The following LAMB1 variants were observed in gnomAD, a reference collection of about 807,000 sequenced individuals.
The protein encoded by LAMB1 is laminin subunit beta-1.
Under a neutral mutation model 222.3 loss-of-function variants are expected in LAMB1, and 121 were observed. The observed-to-expected ratio is 0.54, with a 90% CI of 0.47 to 0.63. The LOEUF is 0.63. Ranked by LOEUF, LAMB1 falls within the 30% of genes least tolerant of loss-of-function variation. The pLI is 0.00. For missense variants in LAMB1, 2,172 were observed against 2,240.8 expected (o/e 0.97, Z 0.62); for synonymous variants, 794 against 807.2 (o/e 0.98, Z 0.28).
At position 107,960,262 on chromosome 7, in the gene LAMB1, T is replaced by A. The variant is rs1260752386; in HGVS notation, c.2314+183A>T. On this transcript the variant is annotated intron_variant, in intron 18 of 33. Transcript: ENST00000222399. ...GCATATTTCTTGAATATCAATTCCATCTTCAGTGGTGCTCTTTCACTGAAA... is the reference window on the plus strand; with the variant it reads ...GCATATTTCTTGAATATCAATTCCAACTTCAGTGGTGCTCTTTCACTGAAA... Among the ~76,000 whole-genome samples, 3 of 152,234 alleles carry A rather than the reference T, an allele frequency of 2.0e-5. No individual in the cohort carries two copies. In the South Asian group the frequency reaches 6.2e-4, roughly 31 times the overall value.
intron 23 of LAMB1, among the ~76,000 whole-genome samples, chr7:107,951,629 A>G (rs1431677155): frequency 1.3e-5 from 2 of 151,866 alleles, no homozygotes; most frequent in East Asian, 3.9e-4. Context: ...TGACTTAGGG[A>G]GTATGCCCTC....
chr7:107,929,031 G>A, intron 31 of LAMB1, 33 bp downstream of exon 31: 2 of 1,601,898 alleles, frequency 1.2e-6, no homozygotes, highest in East Asian at 2.2e-5. Flanking sequence ...ATGTAGGTGT[G>A]TTCCCATTCA....
Position 108,001,701 on chromosome 7 carries a change from G to T in LAMB1, c.70C>A (p.Pro24Thr), listed in dbSNP as rs932148278. The change falls in exon 3 of 34, where the codon CCC (proline) becomes ACC (threonine). Residue 24 changes from proline to threonine, a missense_variant. Transcript: ENST00000222399. ...TCTGCGCAGCCGTAGCTGAACTCGG[G>T]TTCCTGAGCGCGCACTCGGGCTCTG... The part of the protein sequence containing the change: ...LCRARVRAQE[P>T]EFSYGCAEGS... 8 of 1,612,806 alleles carry T rather than the reference G, an allele frequency of 5.0e-6. No homozygotes were observed. In the African/African-American group the frequency reaches 9.3e-5, roughly 19 times the overall value.
chr7:107,998,254 G>A (rs1425152606), intron 4 of LAMB1, 103 bp downstream of exon 4: 5 of 1,167,770 alleles, frequency 4.3e-6, no homozygotes. Context: ...CATAATTACA[G>A]GACAGAGAAG....
intron 7 of LAMB1, among the ~76,000 whole-genome samples, chr7:107,981,123 C>T (rs1005571815): frequency 1.7e-4 from 26 of 151,912 alleles, no homozygotes; most frequent in Non-Finnish European, 3.1e-4. Context: ...ACCTGCCTGG[C>T]CAACATGGCA....
chr7:107,992,043 C>T (rs1418906794), intron 5 of LAMB1, among the ~76,000 whole-genome samples: 3 of 151,976 alleles, frequency 2.0e-5, no homozygotes, highest in Admixed American at 2.0e-4. Flanking sequence ...CTTTCCTTTC[C>T]TTCTCTCACT....
Position 107,975,862 on chromosome 7 carries a change from T to A in LAMB1, c.1016A>T (p.Glu339Val), listed in dbSNP as rs772382691. The A allele has an allele frequency of 3.7e-6, 6 of 1,613,932 alleles. No homozygotes were observed. The highest frequency in any genetic ancestry group is 5.1e-6 in the Non-Finnish European group (6 of 1,179,964). ...GTCAAAGTGACAAGAGATGGAATGTTCATTGCAGTTACATTCTGCGTGACA... is the reference window on the plus strand; with the variant it reads ...GTCAAAGTGACAAGAGATGGAATGTACATTGCAGTTACATTCTGCGTGACA... ...SNACKKCNCNEHSISCHFDMA... is the reference protein window; with the variant it reads ...SNACKKCNCNVHSISCHFDMA... Residue 339 changes from glutamate (E) to valine (V), a missense_variant, in exon 10 of 34, where the codon GAA becomes GTA. Physicochemically the swap from Glu to Val is moderately radical, Grantham distance 121. Coordinates refer to ENST00000222399, the MANE Select transcript of LAMB1 (RefSeq NM_002291.3).
In LAMB1 at chr7:108,003,153, C is replaced by T. The variant is rs896658665; in HGVS notation, c.-129G>A. The T allele has an allele frequency of 1.0e-5, 6 of 586,974 alleles. No homozygotes were observed. The East Asian group carries it at 2.0e-4, about 19-fold the overall frequency. The allele number at this position is 586,974 out of a possible 1,614,324, so 36.4% of individuals were successfully genotyped here. ...CGCCCTGCTCCGGGAGCCCCCGAGC[C>T]CAAAGAAGGGAATTAGAAAGTTTAG... On this transcript the variant is annotated 5_prime_UTR_variant, in exon 1 of 34. Transcript: ENST00000222399.
chr7:107,941,615 G>A (rs1169810847), intron 24 of LAMB1, among the ~76,000 whole-genome samples: 1 of 150,674 alleles, frequency 6.6e-6, no homozygotes, highest in Non-Finnish European at 1.5e-5. Context: ...GAAGTGCAAT[G>A]TCAACTGTGG....
chr7:107,964,711 C>G (rs897835369), intron 13 of LAMB1, 24 bp from the exon 14 acceptor site: 1 of 1,613,484 alleles, frequency 6.2e-7, no homozygotes. Flanking sequence ...GGAGCCACAT[C>G]AGCTGAGTTC....
Position 107,955,634 on chromosome 7 carries a change from C to T in LAMB1, c.2691-4G>A. The T allele has an allele frequency of 6.2e-7, 1 of 1,610,544 alleles. No individual in the cohort carries two copies. Among genetic ancestry groups the T allele is most frequent in the Non-Finnish European group, 8.5e-7 (1 of 1,178,348 alleles). On this transcript the variant is annotated splice_region_variant and splice_polypyrimidine_tract_variant and intron_variant, in intron 20 of 33. Transcript: ENST00000222399. Reference sequence around the variant, plus strand: ...GCCATAGTAACCAGCCAAGCACCTGCATCAGTCACAGAAGAGAACAGGCCA... The same window carrying T: ...GCCATAGTAACCAGCCAAGCACCTGTATCAGTCACAGAAGAGAACAGGCCA...
At position 107,994,162 on chromosome 7, in the gene LAMB1, A is replaced by G. The variant is rs189618137; in HGVS notation, c.423+725T>C. 2.6e-5 allele frequency among the ~76,000 whole-genome samples: 4 copies of G among 152,330 alleles called. No homozygotes were observed. The East Asian group carries it at 7.7e-4, about 29-fold the overall frequency. On this transcript the variant is annotated intron_variant, in intron 5 of 33. Coordinates refer to ENST00000222399, the MANE Select transcript of LAMB1 (RefSeq NM_002291.3). ...TAAATTATGGGTTTTCTGTGAGCCA[A>G]TGTGTACTTTAAGCCATGTGAAGCC... is the stretch of plus-strand genomic sequence containing the variant.
In LAMB1 at chr7:107,929,185, T is replaced by G. The variant is rs1223550449; in HGVS notation, c.4766A>C (p.Lys1589Thr). 4 of 1,614,054 alleles carry G rather than the reference T, an allele frequency of 2.5e-6. No individual in the cohort carries two copies. Among genetic ancestry groups the G allele is most frequent in the Admixed American group, 1.7e-5 (1 of 60,002 alleles). Reference protein sequence around the residue: ...KRASKSATDVKVTADMVKEAL... With the variant: ...KRASKSATDVTVTADMVKEAL... ...TTCCTTTACCATATCTGCAGTGACTTTAACATCTGTTGCACTTTTGCTGAG... is the reference window on the plus strand; with the variant it reads ...TTCCTTTACCATATCTGCAGTGACTGTAACATCTGTTGCACTTTTGCTGAG... The change falls in exon 31 of 34, where the codon AAA becomes ACA. Residue 1589 changes from lysine to threonine, a missense_variant. Physicochemically the swap from Lys to Thr is moderately conservative, Grantham distance 78 (BLOSUM62 -1). Coordinates refer to ENST00000222399, the MANE Select transcript of LAMB1 (RefSeq NM_002291.3).
intron 4 of LAMB1, among the ~76,000 whole-genome samples, chr7:107,995,652 G>A (rs2034268125): frequency 6.6e-6 from 1 of 152,142 alleles, no homozygotes; most frequent in Admixed American, 6.5e-5. Context: ...CTTGCCCTGA[G>A]GGTCAGTCAG....
At chr7:107,933,913 G>A (rs527621118) in intron 27 of LAMB1, among the ~76,000 whole-genome samples, 65 of 152,080 alleles carry the variant, frequency 4.3e-4, no homozygotes, top group African/African-American at 1.4e-3. Context: ...AGATGCCTCC[G>A]GTTCAAGACA....
intron 24 of LAMB1, 108 bp from the exon 25 acceptor site, chr7:107,940,466 C>T (rs1022730004): frequency 2.2e-5 from 26 of 1,199,640 alleles, no homozygotes; most frequent in Admixed American, 2.1e-4. Context: ...AGGTGTCAAC[C>T]ATCGACAACA....
At chr7:107,935,347 GTTTTTTTTT>G (rs200599445) in intron 27 of LAMB1, 59 bp downstream of exon 27, 68 of 1,173,196 alleles carry the variant, frequency 5.8e-5, no homozygotes, top group Middle Eastern at 3.0e-4. Context: ...GTTTTTCTTT[GTTTTTTTTT>G]TTTTTTTTTT....
intron 9 of LAMB1, among the ~76,000 whole-genome samples, chr7:107,977,505 C>T (rs2033890949): frequency 6.6e-6 from 1 of 152,116 alleles, no homozygotes; most frequent in African/African-American, 2.4e-5. Flanking sequence ...TTAAAAACAG[C>T]CCTGGCGCGG....
intron 24 of LAMB1, among the ~76,000 whole-genome samples, chr7:107,950,923 GGTGTGT>G (rs57060477): frequency 0.021 from 3,101 of 147,822 alleles, 40 homozygotes; most frequent in African/African-American, 0.039. Context: ...GTGTATTTGT[GGTGTGT>G]GTGTGTGTGT....
Sources: allele counts gnomAD v4.1 joint callset (sites outside exome capture counted in the v4.1 genomes callset), GRCh38; gene constraint gnomAD v4.1.1; transcripts MANE v1.5; gene names NCBI Gene and HGNC (gene_info 2026-07-23, HGNC 2026-07-21).